ATP2B1: variants seen among roughly 807,000 people sequenced by gnomAD.
ATP2B1 encodes the protein plasma membrane calcium-transporting ATPase 1.
ATP2B1 carries 14 observed loss-of-function variants against 124.2 expected under a neutral mutation model. The ratio of observed to expected loss-of-function variants is 0.11; its 90% CI spans 0.07 to 0.18. The LOEUF is 0.18. ATP2B1 is among the 10% of genes least tolerant of loss of function. The pLI, the probability that ATP2B1 is intolerant of heterozygous loss-of-function variation, is 1.00. For synonymous variants in ATP2B1, 449 were observed against 492.4 expected (o/e 0.91, Z 1.17); for missense variants, 763 against 1,466.1 (o/e 0.52, Z 7.83).
chr12:89,600,139 T>C (rs1479644017), intron 19 of ATP2B1, among the ~76,000 whole-genome samples: 7 of 152,130 alleles, frequency 4.6e-5, no homozygotes, highest in Admixed American at 4.6e-4. Context: ...TAAAAGATGA[T>C]CTCTATTAAT....
intron 6 of ATP2B1, among the ~76,000 whole-genome samples, chr12:89,628,274 C>A (rs1006469547): frequency 6.6e-6 from 1 of 151,886 alleles, no homozygotes; most frequent in Non-Finnish European, 1.5e-5. Flanking sequence ...TGGTGGCATG[C>A]ACCTGTAGTC....
chr12:89,705,101 T>C (rs772559991), intron 1 of ATP2B1, among the ~76,000 whole-genome samples: 1 of 152,150 alleles, frequency 6.6e-6, no homozygotes, highest in Non-Finnish European at 1.5e-5. Context: ...ATAATTTCTA[T>C]AATAAAAAAT....
chr12:89,658,486 C>G (rs1264099511), intron 1 of ATP2B1, among the ~76,000 whole-genome samples: 1 of 152,092 alleles, frequency 6.6e-6, no homozygotes, highest in Admixed American at 6.5e-5. Flanking sequence ...TGTTGTCACA[C>G]AAAAACCAAG....
intron 1 of ATP2B1, among the ~76,000 whole-genome samples, chr12:89,664,851 C>CTT (rs71307587): frequency 0.013 from 1,903 of 142,842 alleles, 21 homozygotes; most frequent in African/African-American, 0.03. Context: ...TTATGCTATT[C>CTT]TTTTTTTTTT....
At chr12:89,670,371 A>ATT (rs11432601) in intron 1 of ATP2B1, among the ~76,000 whole-genome samples, 171 of 147,412 alleles carry the variant, frequency 1.2e-3, no homozygotes, top group Non-Finnish European at 1.4e-3. Flanking sequence ...ATAAAACCGA[A>ATT]TTTTTTTTTT....
At chr12:89,697,072 A>G (rs1891227243) in intron 1 of ATP2B1, among the ~76,000 whole-genome samples, 1 of 151,654 alleles carries the variant, frequency 6.6e-6, no homozygotes, top group African/African-American at 2.4e-5. Flanking sequence ...TTCAAAAAAA[A>G]AAAAAAAAAA....
intron 2 of ATP2B1, among the ~76,000 whole-genome samples, chr12:89,648,861 C>G (rs1212784854): frequency 9.2e-5 from 14 of 152,270 alleles, no homozygotes; most frequent in Admixed American, 9.2e-4. Context: ...TCCCTGCATC[C>G]TGGCTGCTCT....
At chr12:89,647,483 A>C (rs1250691431) in intron 2 of ATP2B1, among the ~76,000 whole-genome samples, 2 of 152,224 alleles carry the variant, frequency 1.3e-5, no homozygotes, top group South Asian at 2.1e-4. Context: ...AATTGCAGGC[A>C]CTAATAAAAT....
Position 89,663,655 on chromosome 12 carries a change from C to G in ATP2B1, c.-221-7548G>C, listed in dbSNP as rs192992610. On this transcript the variant is annotated intron_variant, in intron 1 of 20. Coordinates refer to ENST00000428670, the MANE Select transcript of ATP2B1 (RefSeq NM_001366521.1). ...CACTATCTCCCACTCATAAATCAAC[C>G]CATGACAATCTAGCTTCCTCTTTTA... is the stretch of plus-strand genomic sequence containing the variant. 3.7e-3 allele frequency among the ~76,000 whole-genome samples: 566 copies of G among 152,296 alleles called. 7 individuals are homozygous for G. The highest frequency in any genetic ancestry group is 0.026 in the South Asian group (124 of 4,820).
chr12:89,629,743 A>C (rs533628407), intron 6 of ATP2B1, among the ~76,000 whole-genome samples: 1 of 152,308 alleles, frequency 6.6e-6, no homozygotes, highest in East Asian at 1.9e-4. Flanking sequence ...TAAGTGGCTA[A>C]ACCACCGTAA....
In ATP2B1 at chr12:89,589,051, T is replaced by C. The variant is rs1038144675; in HGVS notation, c.*1933A>G. ...TCCAGCATATCATGCTACCTCTTTT[T>C]TACAGTATGATTCACTATAAATACC... On this transcript the variant is annotated 3_prime_UTR_variant, in exon 21 of 21. Transcript: ENST00000428670. 1 of 152,572 alleles carries C rather than the reference T, an allele frequency of 6.6e-6. No individual in the cohort carries two copies. Among genetic ancestry groups the C allele is most frequent in the Non-Finnish European group, 1.5e-5 (1 of 68,014 alleles). The allele number at this position is 152,572 out of a possible 1,614,324, so 9.5% of individuals were successfully genotyped here.
At chr12:89,677,985 C>T (rs866365635) in intron 1 of ATP2B1, among the ~76,000 whole-genome samples, 2,856 of 82,374 alleles carry the variant, frequency 0.035, 152 homozygotes, top group East Asian at 0.079. Flanking sequence ...CACACACACA[C>T]ACACACACAC....
chr12:89,695,246 T>C (rs1891011145), intron 1 of ATP2B1, among the ~76,000 whole-genome samples: 1 of 151,962 alleles, frequency 6.6e-6, no homozygotes. Context: ...TGCACACACT[T>C]ACACTGGTTC....
At chr12:89,604,741 T>C (rs1414808537) in intron 15 of ATP2B1, among the ~76,000 whole-genome samples, 1 of 151,962 alleles carries the variant, frequency 6.6e-6, no homozygotes, top group African/African-American at 2.4e-5. Flanking sequence ...CATAAAACCT[T>C]AGAGGCTAGA....
chr12:89,616,551 A>G (rs1879007636), intron 12 of ATP2B1, among the ~76,000 whole-genome samples: 1 of 152,136 alleles, frequency 6.6e-6, no homozygotes, highest in East Asian at 1.9e-4. Context: ...TGAAAATTCT[A>G]CCCACTTCAA....
chr12:89,641,481 C>A (rs564943049), intron 3 of ATP2B1, among the ~76,000 whole-genome samples: 6 of 152,124 alleles, frequency 3.9e-5, no homozygotes, highest in African/African-American at 1.4e-4. Context: ...GTTTCATATA[C>A]ACCTTATACA....
At chr12:89,675,935 T>C (rs1171256113) in intron 1 of ATP2B1, among the ~76,000 whole-genome samples, 1 of 152,192 alleles carries the variant, frequency 6.6e-6, no homozygotes, top group African/African-American at 2.4e-5. Flanking sequence ...ACTTGAAGAA[T>C]ATTTAACAAA....
intron 2 of ATP2B1, among the ~76,000 whole-genome samples, chr12:89,654,680 T>C (rs1383659427): frequency 6.6e-6 from 1 of 152,176 alleles, no homozygotes; most frequent in Non-Finnish European, 1.5e-5. Context: ...TTTAAAGTTA[T>C]TTAATTTTGG....
At chr12:89,628,843 T>G (rs900628623) in intron 6 of ATP2B1, among the ~76,000 whole-genome samples, 1 of 152,048 alleles carries the variant, frequency 6.6e-6, no homozygotes, top group Non-Finnish European at 1.5e-5. Flanking sequence ...GAGCTCAAGT[T>G]TGGAGAGACC....
Sources: allele counts gnomAD v4.1 joint callset (sites outside exome capture counted in the v4.1 genomes callset), GRCh38; gene constraint gnomAD v4.1.1; transcripts MANE v1.5; gene names NCBI Gene and HGNC (gene_info 2026-07-23, HGNC 2026-07-21).